The following CDC42BPA variants were observed in gnomAD, a reference collection of about 807,000 sequenced individuals.
The protein encoded by CDC42BPA is serine/threonine-protein kinase MRCK alpha.
CDC42BPA carries 80 observed loss-of-function variants against 223.5 expected under a neutral mutation model. The ratio of observed to expected loss-of-function variants is 0.36; its 90% CI spans 0.30 to 0.43. CDC42BPA has a LOEUF of 0.43. CDC42BPA is among the 20% of genes least tolerant of loss of function. CDC42BPA has a pLI of 1.00. For missense variants in CDC42BPA, 1,743 were observed against 2,099.9 expected (o/e 0.83, Z 3.32); for synonymous variants, 694 against 718.6 (o/e 0.97, Z 0.55).
Position 227,080,930 on chromosome 1 carries a change from C to CA in CDC42BPA, c.2442dup (p.Ala815CysfsTer17). The CA allele has an allele frequency of 6.2e-7, 1 of 1,613,846 alleles. No individual in the cohort carries two copies. Among genetic ancestry groups the CA allele is most frequent in the Non-Finnish European group, 8.5e-7 (1 of 1,179,896 alleles). On this transcript the variant is annotated frameshift_variant, in exon 17 of 37. Coordinates refer to ENST00000366766, the MANE Select transcript of CDC42BPA (RefSeq NM_001394014.1). LOFTEE classifies it high-confidence loss of function. Reference sequence around the variant, plus strand: ...TCTGTGATTTGGGCTTCCCAATGTGCAACTGATTCTTTCTTGTCTGCTAGA... The same window carrying CA: ...TCTGTGATTTGGGCTTCCCAATGTGCAAACTGATTCTTTCTTGTCTGCTAGA...
At chr1:227,136,414 T>TTGTGTAATTGTGTA (rs1334278529) in intron 10 of CDC42BPA, among the ~76,000 whole-genome samples, 13 of 152,120 alleles carry the variant, frequency 8.5e-5, no homozygotes, top group African/African-American at 2.7e-4. Context: ...CCATCTAACA[T>TTGTGTAATTGTGTA]ATACACAATT....
rs1012682372 is a variant in CDC42BPA at position 227,224,484 on chromosome 1, G to A, written c.271-11265C>T. Reference sequence around the variant, plus strand: ...TGACCTCAGGTGATGCGCCCACTTCGGCCTCCCAAAGTGCTGGGATTAGAG... The same window carrying A: ...TGACCTCAGGTGATGCGCCCACTTCAGCCTCCCAAAGTGCTGGGATTAGAG... On this transcript the variant is annotated intron_variant, in intron 2 of 36. Coordinates refer to ENST00000366766, the MANE Select transcript of CDC42BPA (RefSeq NM_001394014.1). Among the ~76,000 whole-genome samples, 27 of 152,040 alleles carry A rather than the reference G, an allele frequency of 1.8e-4. No homozygotes were observed. In the East Asian group the frequency reaches 3.7e-3, roughly 21 times the overall value.
At chr1:227,207,082 TC>T (rs1672877441) in intron 3 of CDC42BPA, among the ~76,000 whole-genome samples, 1 of 54,806 alleles carries the variant, frequency 1.8e-5, no homozygotes, top group Admixed American at 2.7e-4. Flanking sequence ...CCCTCCCCCC[TC>T]CCCCCACCCC....
intron 14 of CDC42BPA, among the ~76,000 whole-genome samples, chr1:227,103,594 C>A (rs548067618): frequency 6.6e-6 from 1 of 152,104 alleles, no homozygotes; most frequent in African/African-American, 2.4e-5. Context: ...CCAAGGGGTG[C>A]ATGGGAAAAT....
intron 3 of CDC42BPA, among the ~76,000 whole-genome samples, chr1:227,208,123 C>T (rs868118090): frequency 4.4e-5 from 6 of 137,108 alleles, no homozygotes; most frequent in Non-Finnish European, 7.9e-5. Flanking sequence ...CCAGTGATGA[C>T]GAGCATTTTT....
At chr1:227,189,662 A>G (rs980250417) in intron 5 of CDC42BPA, among the ~76,000 whole-genome samples, 1 of 152,190 alleles carries the variant, frequency 6.6e-6, no homozygotes, top group Non-Finnish European at 1.5e-5. Context: ...TACTTTAATT[A>G]TTCGTACCAT....
At chr1:227,202,148 A>T (rs1401673525) in intron 3 of CDC42BPA, among the ~76,000 whole-genome samples, 1 of 152,048 alleles carries the variant, frequency 6.6e-6, no homozygotes, top group Non-Finnish European at 1.5e-5. Flanking sequence ...AGGCCCAGCT[A>T]ATTTTTTGTA....
chr1:227,160,517 A>G, intron 6 of CDC42BPA, 26 bp downstream of exon 6: 1 of 1,378,196 alleles, frequency 7.3e-7, no homozygotes, highest in Non-Finnish European at 1.0e-6. Flanking sequence ...TGTGAACAAA[A>G]TAATTTAGGA....
chr1:227,046,758 T>C (rs1158723833), intron 23 of CDC42BPA, among the ~76,000 whole-genome samples: 1 of 152,164 alleles, frequency 6.6e-6, no homozygotes, highest in Admixed American at 6.5e-5. Flanking sequence ...GGAACAGTAT[T>C]TCCTGAGCTC....
chr1:227,124,806 C>A (rs1689253346), intron 11 of CDC42BPA, among the ~76,000 whole-genome samples: 4 of 152,148 alleles, frequency 2.6e-5, no homozygotes, highest in Admixed American at 2.6e-4. Context: ...GTGACCTCAA[C>A]AGACTTATAC....
intron 1 of CDC42BPA, among the ~76,000 whole-genome samples, chr1:227,263,411 G>A (rs1684433823): frequency 6.6e-6 from 1 of 152,044 alleles, no homozygotes; most frequent in African/African-American, 2.4e-5. Flanking sequence ...CGTTATTTGT[G>A]TGTAACTCCA....
intron 3 of CDC42BPA, among the ~76,000 whole-genome samples, chr1:227,205,619 G>A (rs1469979528): frequency 2.0e-5 from 3 of 151,620 alleles, no homozygotes; most frequent in Admixed American, 2.0e-4. Flanking sequence ...GCCAAACAAG[G>A]ATAACAACAA....
chr1:227,078,173 A>T (rs1679895205), intron 17 of CDC42BPA, among the ~76,000 whole-genome samples: 1 of 152,166 alleles, frequency 6.6e-6, no homozygotes, highest in Admixed American at 6.5e-5. Flanking sequence ...ATATTTTACT[A>T]AACTCAGGGT....
At chr1:227,310,107 G>A (rs544520775) in intron 1 of CDC42BPA, among the ~76,000 whole-genome samples, 9 of 152,190 alleles carry the variant, frequency 5.9e-5, no homozygotes, top group African/African-American at 2.2e-4. Context: ...CCTTATACTG[G>A]AAGAACATTT....
intron 5 of CDC42BPA, among the ~76,000 whole-genome samples, chr1:227,176,015 C>T (rs1052244539): frequency 1.3e-5 from 2 of 152,076 alleles, no homozygotes; most frequent in Admixed American, 1.3e-4. Flanking sequence ...TGCAGTGGTG[C>T]GATCTTGGCT....
intron 1 of CDC42BPA, among the ~76,000 whole-genome samples, chr1:227,301,394 T>C (rs998106176): frequency 1.8e-4 from 27 of 150,528 alleles, no homozygotes; most frequent in African/African-American, 6.6e-4. Context: ...GAAGTCTCAC[T>C]CTGTCGCCAA....
intron 5 of CDC42BPA, among the ~76,000 whole-genome samples, chr1:227,165,624 T>A (rs939283449): frequency 2.0e-5 from 3 of 152,088 alleles, no homozygotes; most frequent in African/African-American, 7.2e-5. Context: ...AAAATAGTGA[T>A]AAAAGTATAG....
intron 34 of CDC42BPA, among the ~76,000 whole-genome samples, chr1:227,015,764 A>C (rs567055639): frequency 6.6e-6 from 1 of 152,320 alleles, no homozygotes; most frequent in African/African-American, 2.4e-5. Flanking sequence ...TGGTAACCAC[A>C]TTCCAAATGT....
At position 227,114,017 on chromosome 1, in the gene CDC42BPA, C is replaced by CAAAAAAAAAAA. The variant is rs374913161; in HGVS notation, c.1648-1105_1648-1104insTTTTTTTTTTT. ...TGGGCAATACAGTGAGACTCCAACT[C>CAAAAAAAAAAA]AAAAAAAAAGAAAAGAAAAGAAGTG... On this transcript the variant is annotated intron_variant, in intron 12 of 36. Transcript: ENST00000366766. Among the ~76,000 whole-genome samples the CAAAAAAAAAAA allele has an allele frequency of 1.4e-4, 17 of 120,322 alleles. 1 individual carries two copies. The highest frequency in any genetic ancestry group is 2.4e-4 in the South Asian group (1 of 4,186). The allele number at this position is 120,322 out of a possible 152,430, so 78.9% of individuals were successfully genotyped here.
Sources: allele counts gnomAD v4.1 joint callset (sites outside exome capture counted in the v4.1 genomes callset), GRCh38; gene constraint gnomAD v4.1.1; transcripts MANE v1.5; gene names NCBI Gene and HGNC (gene_info 2026-07-23, HGNC 2026-07-21).